Variants in TBC1D4 observed in about 807,000 individuals in gnomAD.
The protein encoded by TBC1D4 is TBC1 domain family member 4, also known as TBC (Tre-2, BUB2, CDC16) domain-containing protein.
Under a neutral mutation model 142.5 loss-of-function variants are expected in TBC1D4, and 121 were observed. The ratio of observed to expected loss-of-function variants is 0.85; its 90% CI spans 0.73 to 0.99. The LOEUF is 0.99. Among genes scored for constraint, TBC1D4 ranks in the 50% least tolerant of loss-of-function variants. TBC1D4 has a pLI of 0.00. For synonymous variants in TBC1D4, 630 were observed against 628.2 expected (o/e 1.00, Z -0.04); for missense variants, 1,475 against 1,606.6 (o/e 0.92, Z 1.40).
intron 3 of TBC1D4, 132 bp from the exon 4 acceptor site, chr13:75,356,383 A>C: frequency 1.4e-6 from 1 of 723,110 alleles, no homozygotes; most frequent in Non-Finnish European, 2.5e-6. Context: ...TGAAGGGGGG[A>C]CATAATGCCA....
chr13:75,411,500 T>C (rs1447941992), intron 1 of TBC1D4, among the ~76,000 whole-genome samples: 1 of 152,142 alleles, frequency 6.6e-6, no homozygotes, highest in Non-Finnish European at 1.5e-5. Context: ...CCCCAATTTA[T>C]AGAGTTAAGC....
intron 1 of TBC1D4, among the ~76,000 whole-genome samples, chr13:75,434,009 A>G (rs766528499): frequency 1.3e-5 from 2 of 152,208 alleles, no homozygotes; most frequent in Non-Finnish European, 2.9e-5. Context: ...GTCAAAAAAT[A>G]ACAGATGCTG....
intron 1 of TBC1D4, among the ~76,000 whole-genome samples, chr13:75,432,893 G>C (rs947106855): frequency 6.7e-6 from 1 of 148,544 alleles, no homozygotes; most frequent in South Asian, 2.1e-4. Context: ...AGTAAGCCAA[G>C]ATCATGCCAC....
chr13:75,294,972 G>A lies in TBC1D4; in HGVS notation c.3198C>T (p.His1066=). 6.2e-7 allele frequency: 1 copy of A among 1,613,858 alleles called. No individual in the cohort carries two copies. Residue 1066 remains histidine, a synonymous_variant, in exon 18 of 21, where the codon CAC becomes CAT. Transcript: ENST00000377636. The part of the protein sequence containing the change: ...YQLSRLLHDY[H]RDLYNHLEEN... ...CTTCAAGGTGATTGTAGAGATCTCT[G>A]TGATAGTCATGAAGGAGCCTGGACA...
chr13:75,464,995 G>A (rs1888111433), intron 1 of TBC1D4, among the ~76,000 whole-genome samples: 1 of 151,578 alleles, frequency 6.6e-6, no homozygotes, highest in Non-Finnish European at 1.5e-5. Context: ...TAGTTATGTT[G>A]CTAACATCTA....
chr13:75,421,638 C>A (rs1886172964), intron 1 of TBC1D4, among the ~76,000 whole-genome samples: 1 of 151,960 alleles, frequency 6.6e-6, no homozygotes, highest in Non-Finnish European at 1.5e-5. Context: ...GGGAGAAAAA[C>A]CTGAAATGAA....
intron 5 of TBC1D4, among the ~76,000 whole-genome samples, chr13:75,345,239 T>C (rs112390657): frequency 0.016 from 2,469 of 152,300 alleles, 36 homozygotes; most frequent in South Asian, 0.057. Context: ...TTCATATGGA[T>C]GGAATGGGCT....
intron 1 of TBC1D4, among the ~76,000 whole-genome samples, chr13:75,403,752 T>C (rs1885206137): frequency 6.6e-6 from 1 of 152,214 alleles, no homozygotes; most frequent in African/African-American, 2.4e-5. Context: ...TTGTGCTTAC[T>C]ATTAAAAGTT....
intron 8 of TBC1D4, among the ~76,000 whole-genome samples, chr13:75,336,616 G>A (rs370960898): frequency 1.4e-4 from 21 of 150,420 alleles, no homozygotes; most frequent in Non-Finnish European, 2.4e-4. Flanking sequence ...AGTCTGAGGC[G>A]GGAGATCTCC....
intron 1 of TBC1D4, among the ~76,000 whole-genome samples, chr13:75,470,603 C>T (rs1244735739): frequency 6.6e-6 from 1 of 152,076 alleles, no homozygotes; most frequent in Non-Finnish European, 1.5e-5. Flanking sequence ...TAATCTGGCT[C>T]CTAGAAGTTT....
At chr13:75,335,740 T>G (rs1880141058) in intron 8 of TBC1D4, among the ~76,000 whole-genome samples, 1 of 152,170 alleles carries the variant, frequency 6.6e-6, no homozygotes, top group African/African-American at 2.4e-5. Flanking sequence ...ATGTGAGATG[T>G]CTCACTCCCC....
At chr13:75,395,558 C>T (rs937163479) in intron 1 of TBC1D4, among the ~76,000 whole-genome samples, 1 of 152,136 alleles carries the variant, frequency 6.6e-6, no homozygotes, top group Non-Finnish European at 1.5e-5. Flanking sequence ...CGGCTAGGCA[C>T]GGTGGCTCAC....
chr13:75,454,261 C>A (rs1786713960), intron 1 of TBC1D4, among the ~76,000 whole-genome samples: 1 of 152,116 alleles, frequency 6.6e-6, no homozygotes, highest in Non-Finnish European at 1.5e-5. Flanking sequence ...AGTGATCTTT[C>A]TGCCTTATAT....
chr13:75,451,633 T>C (rs4394965), intron 1 of TBC1D4, among the ~76,000 whole-genome samples: 5,090 of 150,182 alleles, frequency 0.034, 342 homozygotes, highest in East Asian at 0.31. Flanking sequence ...TGAGCTATGA[T>C]TGCACCACTG....
At chr13:75,369,468 T>C (rs9565156) in intron 1 of TBC1D4, among the ~76,000 whole-genome samples, 49,810 of 151,102 alleles carry the variant, frequency 0.33, 10,387 homozygotes, top group African/African-American at 0.6. Context: ...CTGCATTATA[T>C]AGCCTGGGTG....
intron 5 of TBC1D4, among the ~76,000 whole-genome samples, chr13:75,347,894 G>A (rs1881281091): frequency 6.6e-6 from 1 of 152,152 alleles, no homozygotes; most frequent in Admixed American, 6.6e-5. Flanking sequence ...TCAGCACTTT[G>A]GGAGGCCAGG....
chr13:75,384,420 G>A (rs1437255638), intron 1 of TBC1D4, among the ~76,000 whole-genome samples: 1 of 152,096 alleles, frequency 6.6e-6, no homozygotes, highest in African/African-American at 2.4e-5. Context: ...GACAGAGCGA[G>A]ACTCCATCTC....
At chr13:75,413,390 G>A (rs1253496069) in intron 1 of TBC1D4, among the ~76,000 whole-genome samples, 1 of 152,144 alleles carries the variant, frequency 6.6e-6, no homozygotes, top group Non-Finnish European at 1.5e-5. Context: ...TCGATCTCTT[G>A]ACCTTGTGAT....
chr13:75,462,763 G>A (rs940975270), intron 1 of TBC1D4, among the ~76,000 whole-genome samples: 24 of 151,964 alleles, frequency 1.6e-4, no homozygotes, highest in African/African-American at 5.8e-4. Context: ...ATTATTTGGG[G>A]ACCCTGTCTG....
Sources: gnomAD v4.1 joint callset for allele counts (sites outside exome capture counted in the v4.1 genomes callset) on GRCh38, gnomAD v4.1.1 for gene constraint, MANE v1.5 for transcripts, NCBI Gene and HGNC (gene_info 2026-07-23, HGNC 2026-07-21) for gene names.